PLXDC2: variants seen among roughly 807,000 people sequenced by gnomAD.
PLXDC2 encodes plexin domain containing 2, also known as plexin domain-containing protein 2.
In PLXDC2, 40 loss-of-function variants were observed where a neutral mutation model predicts 68.9. That is an observed-to-expected ratio of 0.58 (90% CI 0.45 to 0.76). PLXDC2 has a LOEUF of 0.76. Among genes scored for constraint, PLXDC2 ranks in the 30% least tolerant of loss-of-function variants. PLXDC2 has a pLI of 0.00. For synonymous variants in PLXDC2, 243 were observed against 234.2 expected (o/e 1.04, Z -0.34); for missense variants, 644 against 661.9 (o/e 0.97, Z 0.30).
chr10:20,212,805 A>G (rs1395813057), intron 10 of PLXDC2, among the ~76,000 whole-genome samples: 1 of 152,186 alleles, frequency 6.6e-6, no homozygotes, highest in Non-Finnish European at 1.5e-5. Flanking sequence ...GTGTGTGCTC[A>G]TCCGTCTCAC....
chr10:20,164,407 C>T, intron 6 of PLXDC2, 61 bp from the exon 7 acceptor site: 1 of 1,322,520 alleles, frequency 7.6e-7, no homozygotes, highest in South Asian at 1.2e-5. Flanking sequence ...GATCCTACTA[C>T]CTTTCCTCCC....
intron 13 of PLXDC2, among the ~76,000 whole-genome samples, chr10:20,253,920 A>G (rs568827430): frequency 1.7e-4 from 26 of 152,224 alleles, no homozygotes; most frequent in Admixed American, 5.2e-4. Context: ...AGTTTAAACC[A>G]GCAGAGATAA....
intron 1 of PLXDC2, among the ~76,000 whole-genome samples, chr10:19,973,073 T>C (rs935731535): frequency 1.3e-5 from 2 of 152,012 alleles, no homozygotes; most frequent in African/African-American, 4.8e-5. Context: ...TTAGAGTCCT[T>C]AATGAGATTT....
At position 20,289,597 on chromosome 10, in the gene PLXDC2, A is replaced by G. The variant is rs934008068; in HGVS notation, c.*9778A>G. On this transcript the variant is annotated 3_prime_UTR_variant, in exon 14 of 14. Coordinates refer to ENST00000377252, the MANE Select transcript of PLXDC2 (RefSeq NM_032812.9). Reference sequence around the variant, plus strand: ...TAAAGCAAGATGTCTCCAATTCTGAATATTCCTTCCCCTTTTCCCAATCCT... The same window carrying G: ...TAAAGCAAGATGTCTCCAATTCTGAGTATTCCTTCCCCTTTTCCCAATCCT... 1.3e-5 allele frequency: 2 copies of G among 152,124 alleles called. No homozygotes were observed. Among genetic ancestry groups the G allele is most frequent in the African/African-American group, 2.4e-5 (1 of 41,416 alleles). The allele number at this position is 152,124 out of a possible 1,614,324, so 9.4% of individuals were successfully genotyped here. A position where few individuals can be genotyped will look rare whatever the true frequency, so the allele number is the denominator to read the frequency against.
At chr10:20,067,643 G>A (rs1474165077) in intron 3 of PLXDC2, among the ~76,000 whole-genome samples, 2 of 150,338 alleles carry the variant, frequency 1.3e-5, no homozygotes, top group Admixed American at 6.6e-5. Flanking sequence ...AGCCGAGATT[G>A]CGTCACTTCA....
chr10:20,237,743 C>T (rs762328967), intron 12 of PLXDC2, among the ~76,000 whole-genome samples: 12 of 152,102 alleles, frequency 7.9e-5, no homozygotes, highest in Non-Finnish European at 1.3e-4. Flanking sequence ...TTGGCATCTT[C>T]TGTGTAAGAT....
At chr10:19,883,326 A>G (rs1837770725) in intron 1 of PLXDC2, among the ~76,000 whole-genome samples, 1 of 152,194 alleles carries the variant, frequency 6.6e-6, no homozygotes, top group Non-Finnish European at 1.5e-5. Flanking sequence ...AATAGTGAAA[A>G]GCATGAGAGG....
intron 1 of PLXDC2, among the ~76,000 whole-genome samples, chr10:19,940,306 A>G (rs1833797279): frequency 6.6e-6 from 1 of 152,144 alleles, no homozygotes; most frequent in Non-Finnish European, 1.5e-5. Flanking sequence ...AATTTTTTAA[A>G]TCTGCTAGGA....
At chr10:19,873,067 T>C (rs1837571051) in intron 1 of PLXDC2, among the ~76,000 whole-genome samples, 1 of 152,164 alleles carries the variant, frequency 6.6e-6, no homozygotes, top group African/African-American at 2.4e-5. Context: ...TCGGTACAGG[T>C]TCAAAACAAG....
At chr10:20,157,633 G>C (rs938067135) in intron 6 of PLXDC2, among the ~76,000 whole-genome samples, 2 of 152,152 alleles carry the variant, frequency 1.3e-5, no homozygotes, top group Admixed American at 6.6e-5. Context: ...TTCTGTCTTT[G>C]ACTCTCCTTC....
Position 20,245,932 on chromosome 10 carries a change from C to G in PLXDC2, c.1473+427C>G, listed in dbSNP as rs542584757. Reference sequence around the variant, plus strand: ...GTATGCATGATACAATATGATGGGCCTCTTCTCAAAATGCTCACAAACCGT... The same window carrying G: ...GTATGCATGATACAATATGATGGGCGTCTTCTCAAAATGCTCACAAACCGT... On this transcript the variant is annotated intron_variant, in intron 13 of 13. Coordinates refer to ENST00000377252, the MANE Select transcript of PLXDC2 (RefSeq NM_032812.9). Among the ~76,000 whole-genome samples the G allele has an allele frequency of 3.1e-4, 47 of 152,242 alleles. 2 individuals are homozygous for G. In the South Asian group the frequency reaches 9.1e-3, roughly 30 times the overall value.
chr10:20,232,216 C>A (rs1835374447), intron 12 of PLXDC2, among the ~76,000 whole-genome samples: 1 of 152,048 alleles, frequency 6.6e-6, no homozygotes, highest in Admixed American at 6.6e-5. Context: ...CACTACACAA[C>A]ACTAATATTG....
chr10:20,257,078 C>A (rs551794471), intron 13 of PLXDC2, among the ~76,000 whole-genome samples: 1 of 151,998 alleles, frequency 6.6e-6, no homozygotes, highest in Non-Finnish European at 1.5e-5. Context: ...GAGGAAGGGA[C>A]GCAAGGATCT....
intron 13 of PLXDC2, among the ~76,000 whole-genome samples, chr10:20,252,623 G>A (rs1835692948): frequency 6.6e-6 from 1 of 152,176 alleles, no homozygotes; most frequent in South Asian, 2.1e-4. Flanking sequence ...GAGGCAGAAG[G>A]CTGGATAAGT....
At chr10:20,013,857 C>T (rs923529341) in intron 2 of PLXDC2, among the ~76,000 whole-genome samples, 17 of 152,132 alleles carry the variant, frequency 1.1e-4, no homozygotes, top group East Asian at 3.9e-4. Context: ...ATTTCTTTTA[C>T]GAGTAAATGA....
At chr10:19,940,972 G>A (rs1031355818) in intron 1 of PLXDC2, among the ~76,000 whole-genome samples, 1 of 152,180 alleles carries the variant, frequency 6.6e-6, no homozygotes, top group African/African-American at 2.4e-5. Context: ...GAATTTCAGG[G>A]TGAGAAGAGA....
At chr10:19,989,709 T>A (rs1489374775) in intron 1 of PLXDC2, among the ~76,000 whole-genome samples, 4 of 151,654 alleles carry the variant, frequency 2.6e-5, no homozygotes, top group Non-Finnish European at 5.9e-5. Flanking sequence ...GTATTTTAAT[T>A]TAATAATTTT....
chr10:19,908,617 G>A (rs1589530763), intron 1 of PLXDC2, among the ~76,000 whole-genome samples: 2 of 151,886 alleles, frequency 1.3e-5, no homozygotes, highest in South Asian at 2.1e-4. Context: ...GTATTCTCAG[G>A]GATCAGTTAG....
intron 1 of PLXDC2, among the ~76,000 whole-genome samples, chr10:19,915,726 G>C (rs1833353440): frequency 6.6e-6 from 1 of 152,020 alleles, no homozygotes; most frequent in Non-Finnish European, 1.5e-5. Context: ...ATCTTCTGCT[G>C]CTTGGTTCAT....
Sources: gnomAD v4.1 joint callset for allele counts (sites outside exome capture counted in the v4.1 genomes callset) on GRCh38, gnomAD v4.1.1 for gene constraint, MANE v1.5 for transcripts, NCBI Gene and HGNC (gene_info 2026-07-23, HGNC 2026-07-21) for gene names.